EFHB: variants seen among roughly 807,000 people sequenced by gnomAD.
EFHB encodes the protein EF-hand domain family member B.
Under a neutral mutation model 87.2 loss-of-function variants are expected in EFHB, and 91 were observed. The ratio of observed to expected loss-of-function variants is 1.04; its 90% CI spans 0.88 to 1.24. The LOEUF (loss-of-function observed/expected upper bound fraction) is 1.24. Among genes scored for constraint, EFHB ranks in the 50% most tolerant of loss-of-function variants. The pLI is 0.00. For missense variants in EFHB, 1,084 were observed against 998.8 expected (o/e 1.09, Z -1.15); for synonymous variants, 325 against 333.6 (o/e 0.97, Z 0.28).
intron 4 of EFHB, among the ~76,000 whole-genome samples, chr3:19,917,457 G>A (rs1695273093): frequency 6.6e-6 from 1 of 152,050 alleles, no homozygotes; most frequent in Non-Finnish European, 1.5e-5. Flanking sequence ...CAAAGCTAAG[G>A]TTCCTGGAAG....
intron 4 of EFHB, among the ~76,000 whole-genome samples, chr3:19,916,085 T>C (rs994445561): frequency 6.6e-6 from 1 of 152,248 alleles, no homozygotes; most frequent in African/African-American, 2.4e-5. Context: ...TATTTTAGTT[T>C]GCTGCAGACT....
chr3:19,942,662 C>T (rs1303520490), intron 1 of EFHB, among the ~76,000 whole-genome samples: 1 of 152,208 alleles, frequency 6.6e-6, no homozygotes, highest in Non-Finnish European at 1.5e-5. Context: ...TTTCCTGCCA[C>T]TAGACGGTCC....
At chr3:19,896,504 G>A (rs1355446083) in intron 9 of EFHB, 183 bp downstream of exon 9, 1 of 820,776 alleles carries the variant, frequency 1.2e-6, no homozygotes, top group African/African-American at 1.7e-5. Context: ...TACTGCAAAA[G>A]CAGCCACAGA....
rs1695917206 is a variant in EFHB at position 19,933,704 on chromosome 3, C to T, written c.315G>A (p.Leu105=). ...CATTTTCTAACCCCATTCTTCCTGG[C>T]AACAGAGAAGGTTTTGTTCCCTGTG... ...SASQGTKPSL[L]PGRMGLENES... is the part of the protein sequence containing the mutation. Residue 105 remains leucine, a synonymous_variant, in exon 1 of 13, where the codon TTG becomes TTA. Coordinates refer to ENST00000295824, the MANE Select transcript of EFHB (RefSeq NM_144715.4). The T allele has an allele frequency of 1.9e-6, 3 of 1,613,980 alleles. No individual in the cohort carries two copies. The highest frequency in any genetic ancestry group is 2.5e-6 in the Non-Finnish European group (3 of 1,179,878).
chr3:19,934,397 C>A (rs536899851), upstream of EFHB, among the ~76,000 whole-genome samples: 2,218 of 142,486 alleles, frequency 0.016, 42 homozygotes, highest in African/African-American at 0.054. Flanking sequence ...CTCTGCCCCC[C>A]CTTCTCTCTC....
chr3:19,920,396 G>T, intron 2 of EFHB, 109 bp downstream of exon 2: 2 of 881,652 alleles, frequency 2.3e-6, no homozygotes, highest in South Asian at 3.4e-5. Flanking sequence ...AATCCAAATT[G>T]ACCACATTAA....
chr3:19,933,556 C>T lies in EFHB; in HGVS notation c.463G>A (p.Glu155Lys), dbSNP rs761500539. Residue 155 changes from glutamate (E) to lysine (K), a missense_variant, in exon 1 of 13, where the codon GAG (glutamate) becomes AAG (lysine). Glu to Lys is a moderately conservative substitution (Grantham distance 56). Coordinates refer to ENST00000295824, the MANE Select transcript of EFHB (RefSeq NM_144715.4). ...AAAGCAGGCTTTCCCACTAATTCCT[C>T]TACCCCTTCAGGGCCACTAGCCAAA... Reference protein sequence around the residue: ...APLASGPEGVEELVGKPAFVM... With the variant: ...APLASGPEGVKELVGKPAFVM... The T allele has an allele frequency of 4.3e-6, 7 of 1,613,920 alleles. No homozygotes were observed. The highest frequency in any genetic ancestry group is 5.9e-6 in the Non-Finnish European group (7 of 1,179,900).
intron 5 of EFHB, among the ~76,000 whole-genome samples, chr3:19,907,723 G>C (rs945537494): frequency 6.6e-6 from 1 of 151,954 alleles, no homozygotes; most frequent in African/African-American, 2.4e-5. Flanking sequence ...TTTCTATTTC[G>C]AGATAAGAAA....
At chr3:19,908,602 A>AGAGAGAGAGAGAG (rs1559459816) in intron 5 of EFHB, among the ~76,000 whole-genome samples, 30 of 77,314 alleles carry the variant, frequency 3.9e-4, no homozygotes, top group East Asian at 6.2e-4. Flanking sequence ...GAGAGAGAGA[A>AGAGAGAGAGAGAG]AGAAAGAAAG....
chr3:19,940,626 G>A (rs995248978), intron 1 of EFHB: 5 of 425,748 alleles, frequency 1.2e-5, no homozygotes, highest in African/African-American at 2.1e-5. Flanking sequence ...CAGCCTCCTG[G>A]ACCACACATT....
At chr3:19,904,113 T>C (rs1201183570) in intron 6 of EFHB, among the ~76,000 whole-genome samples, 1 of 152,200 alleles carries the variant, frequency 6.6e-6, no homozygotes, top group Non-Finnish European at 1.5e-5. Flanking sequence ...GTGTGCATGT[T>C]GGGCCTACGG....
intron 1 of EFHB, chr3:19,940,499 G>C (rs1696132349): frequency 5.9e-6 from 3 of 505,472 alleles, no homozygotes; most frequent in Admixed American, 2.0e-5. Flanking sequence ...TCTTCATCGT[G>C]AATCTTGCCT....
intron 4 of EFHB, among the ~76,000 whole-genome samples, chr3:19,915,845 T>C (rs1328129310): frequency 2.0e-5 from 3 of 151,798 alleles, no homozygotes; most frequent in Non-Finnish European, 4.4e-5. Flanking sequence ...TGGAAGCACG[T>C]GCCTGTGGTC....
At chr3:19,940,304 G>T in intron 1 of EFHB, 1 of 283,346 alleles carries the variant, frequency 3.5e-6, no homozygotes, top group South Asian at 3.4e-5. Flanking sequence ...CCATCAGAGG[G>T]AGGAGATCCA....
chr3:19,918,161 T>TA, intron 4 of EFHB, 71 bp downstream of exon 4: 1 of 1,334,248 alleles, frequency 7.5e-7, no homozygotes, highest in Non-Finnish European at 1.0e-6. Context: ...ACAAATAAGA[T>TA]ATTTAATCAA....
chr3:19,946,606 C>T (rs1696288550), intron 1 of EFHB, among the ~76,000 whole-genome samples: 1 of 152,140 alleles, frequency 6.6e-6, no homozygotes, highest in South Asian at 2.1e-4. Context: ...TCCTTTCTTC[C>T]TCCTTGGGGT....
intron 10 of EFHB, among the ~76,000 whole-genome samples, chr3:19,887,386 A>G (rs934124998): frequency 1.1e-5 from 1 of 95,040 alleles, no homozygotes; most frequent in Non-Finnish European, 1.9e-5. Context: ...CCCTATCAAA[A>G]AAAAAAAAAA....
intron 9 of EFHB, among the ~76,000 whole-genome samples, chr3:19,890,425 T>C (rs191853224): frequency 5.3e-5 from 8 of 152,284 alleles, no homozygotes; most frequent in Non-Finnish European, 1.2e-4. Flanking sequence ...GTCATCATCA[T>C]AGTCAGTCCT....
At chr3:19,940,797 GTGAGT>G (rs1696140584) in intron 1 of EFHB, 1 of 366,278 alleles carries the variant, frequency 2.7e-6, no homozygotes, top group East Asian at 6.9e-5. Flanking sequence ...AGGTATGCCT[GTGAGT>G]TGAAACTTGC....
Sources: allele counts gnomAD v4.1 joint callset (sites outside exome capture counted in the v4.1 genomes callset), GRCh38; gene constraint gnomAD v4.1.1; transcripts MANE v1.5; gene names NCBI Gene and HGNC (gene_info 2026-07-23, HGNC 2026-07-21).